The following IGF2BP2 variants were observed in gnomAD, a reference collection of about 807,000 sequenced individuals.
IGF2BP2 encodes insulin-like growth factor 2 mRNA-binding protein 2.
A neutral mutation model predicts 75.8 loss-of-function variants in IGF2BP2; 17 were observed. That is an observed-to-expected ratio of 0.22 (90% CI 0.15 to 0.34). IGF2BP2 has a LOEUF of 0.34. Ranked by LOEUF, IGF2BP2 falls within the 10% of genes least tolerant of loss-of-function variation. The pLI, the probability that IGF2BP2 is intolerant of heterozygous loss-of-function variation, is 1.00. For missense variants in IGF2BP2, 516 were observed against 772.4 expected, an observed-to-expected ratio of 0.67 and a Z score of 3.93; for synonymous variants, 288 against 295.6, an observed-to-expected ratio of 0.97 and a Z score of 0.26.
In IGF2BP2 at chr3:185,816,463, T is replaced by C. The variant is rs147815527; in HGVS notation, c.239+6690A>G. ...TCATTGCAAAGGTTCAATTCACAAA[T>C]GTATTTTCATATATTTCTACCACCC... On this transcript the variant is annotated intron_variant, in intron 2 of 15. Transcript: ENST00000382199. 6.6e-5 allele frequency among the ~76,000 whole-genome samples: 10 copies of C among 152,332 alleles called. No homozygotes were observed. In the East Asian group the frequency reaches 1.2e-3, roughly 18 times the overall value.
rs543407340 is a variant in IGF2BP2 at position 185,784,659 on chromosome 3, A to G, written c.239+38494T>C. On this transcript the variant is annotated intron_variant, in intron 2 of 15. Coordinates refer to ENST00000382199, the MANE Select transcript of IGF2BP2 (RefSeq NM_006548.6). Reference sequence around the variant, plus strand: ...ATCATCAAACCCTGCAACGGCAGCAAAAAGGTCAACTGGTAGTAGAAACCA... The same window carrying G: ...ATCATCAAACCCTGCAACGGCAGCAGAAAGGTCAACTGGTAGTAGAAACCA... Among the ~76,000 whole-genome samples the G allele has an allele frequency of 1.9e-3, 289 of 152,390 alleles. 2 individuals are homozygous for G. The highest frequency in any genetic ancestry group is 3.1e-3 in the Non-Finnish European group (209 of 68,036).
intron 10 of IGF2BP2, among the ~76,000 whole-genome samples, chr3:185,663,203 C>T (rs920561007): frequency 3.9e-5 from 6 of 152,180 alleles, no homozygotes; most frequent in African/African-American, 1.4e-4. Flanking sequence ...GACTCACTGT[C>T]CCAGTTGGAG....
At chr3:185,674,481 C>A (rs1038595017) in intron 9 of IGF2BP2, among the ~76,000 whole-genome samples, 23 of 152,272 alleles carry the variant, frequency 1.5e-4, no homozygotes, top group Admixed American at 8.5e-4. Flanking sequence ...AATGCCGGAT[C>A]AGTGTCTCCC....
intron 2 of IGF2BP2, among the ~76,000 whole-genome samples, chr3:185,778,816 A>C (rs897869515): frequency 1.3e-5 from 2 of 152,222 alleles, no homozygotes; most frequent in Non-Finnish European, 2.9e-5. Context: ...GCACACTCTG[A>C]CCAACATTGC....
chr3:185,669,834 T>C (rs1280573892), intron 10 of IGF2BP2, among the ~76,000 whole-genome samples: 2 of 152,216 alleles, frequency 1.3e-5, no homozygotes, highest in Admixed American at 1.3e-4. Flanking sequence ...TATGCTGCTG[T>C]TCTCAGGAGT....
At chr3:185,823,092 T>G in intron 2 of IGF2BP2, 61 bp downstream of exon 2, 1 of 1,126,450 alleles carries the variant, frequency 8.9e-7, no homozygotes, top group Non-Finnish European at 1.3e-6. Flanking sequence ...AAGCTGTGTG[T>G]ACGTTTTTTA....
chr3:185,660,910 C>T (rs1716330654), intron 10 of IGF2BP2, among the ~76,000 whole-genome samples: 1 of 152,242 alleles, frequency 6.6e-6, no homozygotes, highest in African/African-American at 2.4e-5. Context: ...TTTGCCATTT[C>T]CTTACAAAAC....
chr3:185,716,571 G>A (rs778508547), intron 2 of IGF2BP2: 2 of 520,174 alleles, frequency 3.8e-6, no homozygotes, highest in Non-Finnish European at 7.7e-6. Context: ...CTGGCCACCA[G>A]ACTCACGTCC....
chr3:185,716,700 G>A (rs1725685886), intron 2 of IGF2BP2: 2 of 520,014 alleles, frequency 3.8e-6, no homozygotes, highest in Non-Finnish European at 7.7e-6. Context: ...TCAGGGCCAT[G>A]GTGGTGCATG....
chr3:185,696,753 A>G, intron 3 of IGF2BP2, 90 bp from the exon 4 acceptor site: 1 of 1,028,518 alleles, frequency 9.7e-7, no homozygotes. Flanking sequence ...AACAAATTAA[A>G]GGAAAAAAAA....
intron 2 of IGF2BP2, among the ~76,000 whole-genome samples, chr3:185,816,291 A>C (rs770718339): frequency 7.2e-5 from 11 of 152,168 alleles, no homozygotes; most frequent in Non-Finnish European, 1.3e-4. Context: ...CAACCCCACA[A>C]CCTGCTTAGG....
At chr3:185,801,340 T>C (rs577428795) in intron 2 of IGF2BP2, among the ~76,000 whole-genome samples, 287 of 151,904 alleles carry the variant, frequency 1.9e-3, no homozygotes, top group Non-Finnish European at 2.8e-3. Flanking sequence ...AAATACAAAA[T>C]TAGCCAGGCG....
At chr3:185,816,460 A>G (rs1173348101) in intron 2 of IGF2BP2, among the ~76,000 whole-genome samples, 6 of 152,232 alleles carry the variant, frequency 3.9e-5, no homozygotes, top group Non-Finnish European at 7.3e-5. Context: ...TTCAATTCAC[A>G]AATGTATTTT....
chr3:185,821,157 TTTAA>T, intron 2 of IGF2BP2: 8 of 1,455,094 alleles, frequency 5.5e-6, no homozygotes, highest in Non-Finnish European at 7.2e-6. Context: ...AATTTCTGCA[TTTAA>T]ACTAATAAAG....
intron 2 of IGF2BP2, among the ~76,000 whole-genome samples, chr3:185,791,983 G>A (rs532459919): frequency 1.3e-5 from 2 of 152,270 alleles, no homozygotes; most frequent in East Asian, 3.9e-4. Flanking sequence ...AAAGATGGGA[G>A]GTGTAATATT....
chr3:185,716,295 C>A lies in IGF2BP2; in HGVS notation c.240-17948G>T, dbSNP rs374553381. 2.6e-4 allele frequency: 98 copies of A among 376,872 alleles called. 3 individuals are homozygous for A. The East Asian group carries it at 3.1e-3, about 12-fold the overall frequency. 23.3% of individuals were successfully genotyped at this position (376,872 alleles called of 1,614,324 possible). A position where few individuals can be genotyped will look rare whatever the true frequency, so the allele number is the denominator to read the frequency against. On this transcript the variant is annotated intron_variant, in intron 2 of 15. Transcript: ENST00000382199. ...CTCTGCCCAGCATATTTTTGGAATTCTTTTAATGATATTTTCTGCAGCATT... is the reference window on the plus strand; with the variant it reads ...CTCTGCCCAGCATATTTTTGGAATTATTTTAATGATATTTTCTGCAGCATT...
At chr3:185,722,646 T>C (rs571651938) in intron 2 of IGF2BP2, 1 of 171,296 alleles carries the variant, frequency 5.8e-6, no homozygotes, top group African/African-American at 2.4e-5. Context: ...TGGTGGAGGT[T>C]ACACAGAGAC....
chr3:185,653,078 C>T (rs1342265134), intron 12 of IGF2BP2, among the ~76,000 whole-genome samples: 1 of 152,160 alleles, frequency 6.6e-6, no homozygotes, highest in Non-Finnish European at 1.5e-5. Context: ...ATCCGCCCAC[C>T]TTGGCCTTCC....
At chr3:185,699,106 C>CA (rs1205960781) in intron 2 of IGF2BP2, among the ~76,000 whole-genome samples, 1 of 152,138 alleles carries the variant, frequency 6.6e-6, no homozygotes, top group Non-Finnish European at 1.5e-5. Context: ...TGAGCCACCA[C>CA]ACTGGCCTCA....
Sources: gnomAD v4.1 joint callset for allele counts (sites outside exome capture counted in the v4.1 genomes callset) on GRCh38, gnomAD v4.1.1 for gene constraint, MANE v1.5 for transcripts, NCBI Gene and HGNC (gene_info 2026-07-23, HGNC 2026-07-21) for gene names.